Variants in CCDC30 observed in about 807,000 individuals in gnomAD.
CCDC30 encodes the protein coiled-coil domain containing 30, also known as coiled-coil domain-containing protein 30.
Under a neutral mutation model 100.2 loss-of-function variants are expected in CCDC30, and 70 were observed. The ratio of observed to expected loss-of-function variants is 0.70; its 90% confidence interval spans 0.58 to 0.85. The LOEUF is 0.85. CCDC30 is among the 40% of genes least tolerant of loss of function. The pLI is 0.00. For missense variants in CCDC30, 652 were observed against 771.2 expected (o/e 0.85, Z 1.83); for synonymous variants, 233 against 269.5 (o/e 0.86, Z 1.33).
In CCDC30 at chr1:42,485,154, T is replaced by C. The variant is rs149240225; in HGVS notation, c.169+2338T>C. Among the ~76,000 whole-genome samples the C allele has an allele frequency of 5.2e-3, 792 of 152,280 alleles. 7 individuals are homozygous for C. The highest frequency in any genetic ancestry group is 0.018 in the African/African-American group (765 of 41,574). Reference sequence around the variant, plus strand: ...TTTGCTTCAAAATAATACAGGTCTCTACCTTACACCTACACAAAAATTAAT... The same window carrying C: ...TTTGCTTCAAAATAATACAGGTCTCCACCTTACACCTACACAAAAATTAAT... On this transcript the variant is annotated intron_variant, in intron 3 of 16. Coordinates refer to ENST00000668663, the Ensembl canonical transcript of CCDC30.
rs141690772 is a variant in CCDC30 at position 42,648,396 on chromosome 1, C to T, written c.1854+2079C>T. Among the ~76,000 whole-genome samples the T allele has an allele frequency of 4.7e-3, 715 of 152,182 alleles. 3 individuals are homozygous for T. The highest frequency in any genetic ancestry group is 0.016 in the African/African-American group (680 of 41,532). The stretch of plus-strand genomic sequence containing the variant: ...ATAATAAAGATTAGAGCAGGCCGGG[C>T]GCAGTGGCTCACACCTATAATCCCA... On this transcript the variant is annotated intron_variant, in intron 15 of 16. Coordinates refer to ENST00000668663, the Ensembl canonical transcript of CCDC30.
At chr1:42,623,535 G>A (rs1052476093) in intron 11 of CCDC30, among the ~76,000 whole-genome samples, 1 of 152,146 alleles carries the variant, frequency 6.6e-6, no homozygotes, top group South Asian at 2.1e-4. Flanking sequence ...GTCAAAATGA[G>A]TTCACTGTAG....
chr1:42,566,401 G>A (rs1293082995), exon 7 of CCDC30: 27 of 1,614,034 alleles, frequency 1.7e-5, no homozygotes, highest in Non-Finnish European at 2.3e-5. Context: ...AGCTGAAAAT[G>A]AGCTTCGATA....
chr1:42,521,800 A>G (rs932845322), intron 6 of CCDC30, among the ~76,000 whole-genome samples: 1 of 151,832 alleles, frequency 6.6e-6, no homozygotes, highest in Non-Finnish European at 1.5e-5. Flanking sequence ...AATATATAAT[A>G]TATTTTACAA....
chr1:42,581,071 G>A, intron 8 of CCDC30: 1 of 373,944 alleles, frequency 2.7e-6, no homozygotes, highest in Non-Finnish European at 5.1e-6. Context: ...AACTCCTGAG[G>A]CTCAAGCGAT....
chr1:42,471,074 G>T (rs960160873), intron 1 of CCDC30, among the ~76,000 whole-genome samples: 1 of 152,178 alleles, frequency 6.6e-6, no homozygotes, highest in Non-Finnish European at 1.5e-5. Flanking sequence ...TGTTGATAAG[G>T]ACTCAGGTGT....
intron 1 of CCDC30, chr1:42,467,900 C>G (rs1013844392): frequency 6.6e-6 from 1 of 152,232 alleles, no homozygotes; most frequent in African/African-American, 2.4e-5. Flanking sequence ...GTCACATTCG[C>G]TAAGGACTTG....
chr1:42,520,486 C>T (rs1644622016), intron 6 of CCDC30, among the ~76,000 whole-genome samples: 1 of 151,764 alleles, frequency 6.6e-6, no homozygotes, highest in Non-Finnish European at 1.5e-5. Flanking sequence ...CATGCACCAC[C>T]ATGCCCGGCT....
intron 9 of CCDC30, 113 bp from the exon 14 acceptor site, chr1:42,589,208 C>T: frequency 1.4e-6 from 1 of 714,528 alleles, no homozygotes; most frequent in Non-Finnish European, 2.3e-6. Context: ...AGACACATAC[C>T]CTACTTCATT....
intron 16 of CCDC30, 79 bp from the exon 21 acceptor site, chr1:42,653,739 A>G (rs1488975608): frequency 2.0e-6 from 2 of 1,006,262 alleles, no homozygotes; most frequent in East Asian, 2.4e-5. Flanking sequence ...AAATTCTATC[A>G]ATGCCTGTAT....
At chr1:42,514,839 G>T (rs1020253515) in intron 6 of CCDC30, among the ~76,000 whole-genome samples, 1 of 152,080 alleles carries the variant, frequency 6.6e-6, no homozygotes, top group Admixed American at 6.6e-5. Context: ...TTTTTGTATA[G>T]ATGGGGTTTC....
In CCDC30 at chr1:42,635,824, T is replaced by A. The variant is rs796588973; in HGVS notation, c.1278-1413T>A. ...CTCCATCTCAAAAAAAAAAAAAAAA[T>A]GGCAACTCTATGTTTAACCACTTGA... On this transcript the variant is annotated intron_variant, in intron 11 of 16. Transcript: ENST00000668663. Among the ~76,000 whole-genome samples the A allele has an allele frequency of 6.0e-3, 887 of 147,234 alleles. 7 individuals are homozygous for A. Among genetic ancestry groups the A allele is most frequent in the African/African-American group, 0.021 (823 of 39,692 alleles).
chr1:42,637,241 TATA>T, exon 12 of CCDC30: 1 of 1,581,430 alleles, frequency 6.3e-7, no homozygotes, highest in Non-Finnish European at 8.5e-7. Context: ...TTATAGAAAC[TATA>T]ATGAGAAACA....
intron 6 of CCDC30, among the ~76,000 whole-genome samples, chr1:42,545,121 C>T (rs1417089752): frequency 8.1e-6 from 1 of 123,698 alleles, no homozygotes; most frequent in Non-Finnish European, 1.6e-5. Flanking sequence ...AAATGCTAAA[C>T]AGCACTCTGA....
intron 15 of CCDC30, among the ~76,000 whole-genome samples, chr1:42,646,953 A>T (rs1486493323): frequency 6.6e-6 from 1 of 152,088 alleles, no homozygotes; most frequent in East Asian, 1.9e-4. Flanking sequence ...CAAAAAAATT[A>T]GCTGGGCGTG....
At chr1:42,471,311 A>G (rs539292423) in intron 1 of CCDC30, among the ~76,000 whole-genome samples, 9 of 152,276 alleles carry the variant, frequency 5.9e-5, no homozygotes, top group African/African-American at 2.2e-4. Context: ...CCCCTACAGC[A>G]TGGGGATTAT....
At chr1:42,600,849 C>T (rs1184131563) in intron 10 of CCDC30, among the ~76,000 whole-genome samples, 3 of 151,924 alleles carry the variant, frequency 2.0e-5, no homozygotes, top group African/African-American at 7.3e-5. Context: ...CTCTCCCTCC[C>T]TCCCTCCTTC....
chr1:42,583,591 A>G (rs1401091642), intron 9 of CCDC30, among the ~76,000 whole-genome samples: 2 of 152,280 alleles, frequency 1.3e-5, no homozygotes, highest in South Asian at 4.1e-4. Flanking sequence ...TAAATCCTTT[A>G]TTGTTGAACA....
intron 11 of CCDC30, among the ~76,000 whole-genome samples, chr1:42,626,708 G>A (rs1452529405): frequency 6.6e-6 from 1 of 152,104 alleles, no homozygotes; most frequent in Non-Finnish European, 1.5e-5. Flanking sequence ...TCTTGTGATA[G>A]TGAATAAGAC....
Sources: gnomAD v4.1 joint callset for allele counts (sites outside exome capture counted in the v4.1 genomes callset) on GRCh38, gnomAD v4.1.1 for gene constraint, MANE v1.5 for transcripts, NCBI Gene and HGNC (gene_info 2026-07-23, HGNC 2026-07-21) for gene names.